Variants in RASSF4 observed in about 807,000 individuals in gnomAD.
The protein encoded by RASSF4 is Ras association domain family member 4.
A neutral mutation model predicts 41.1 loss-of-function variants in RASSF4; 38 were observed. The observed-to-expected ratio is 0.92, with a 90% CI of 0.71 to 1.21. The LOEUF is 1.21. Among genes scored for constraint, RASSF4 ranks in the 50% most tolerant of loss-of-function variants. The probability of loss-of-function intolerance (pLI) is 0.00; values close to 1 mark genes in which losing one functional copy is unlikely to be tolerated. For missense variants in RASSF4, 414 were observed against 419.4 expected, an observed-to-expected ratio of 0.99 and a Z score of 0.11; for synonymous variants, 179 against 163.4, an observed-to-expected ratio of 1.10 and a Z score of -0.73.
intron 6 of RASSF4, among the ~76,000 whole-genome samples, chr10:44,988,659 T>C (rs746826754): frequency 6.6e-5 from 10 of 152,224 alleles, no homozygotes; most frequent in Admixed American, 2.0e-4. Flanking sequence ...CTTCGCCTTG[T>C]GTTCTACAGA....
intron 6 of RASSF4, among the ~76,000 whole-genome samples, chr10:44,988,454 T>C (rs1241341313): frequency 6.6e-6 from 1 of 151,628 alleles, no homozygotes; most frequent in Non-Finnish European, 1.5e-5. Context: ...ATATAATGTG[T>C]CCCCCCACCC....
chr10:44,975,687 C>A (rs1158180235), intron 3 of RASSF4, among the ~76,000 whole-genome samples: 1 of 149,806 alleles, frequency 6.7e-6, no homozygotes, highest in Non-Finnish European at 1.5e-5. Flanking sequence ...TCCCCTGGGC[C>A]TCTCTGCAGG....
chr10:44,990,351 G>C (rs1278110619), intron 8 of RASSF4, among the ~76,000 whole-genome samples: 1 of 152,232 alleles, frequency 6.6e-6, no homozygotes, highest in African/African-American at 2.4e-5. Flanking sequence ...GTTAACACTT[G>C]CATCATGCAT....
At chr10:44,971,336 C>T in intron 2 of RASSF4, 1 of 374,688 alleles carries the variant, frequency 2.7e-6, no homozygotes, top group South Asian at 2.0e-5. Flanking sequence ...AGGCACCCCT[C>T]AGGGTGGCCC....
chr10:44,991,960 TA>T lies in RASSF4; in HGVS notation c.867del (p.Glu290LysfsTer7). On this transcript the variant is annotated frameshift_variant, in exon 10 of 11. Transcript: ENST00000340258. LOFTEE classifies it high-confidence loss of function. ...MPVLDSFVEK[L>X]KEEEEREIIK... ...GTGCTGGACAGTTTTGTTGAAAAAT[TA>T]AAAGAAGAGGAAGAAAGAGAAATAA... 2 of 1,613,328 alleles carry T rather than the reference TA, an allele frequency of 1.2e-6. No individual in the cohort carries two copies. The highest frequency in any genetic ancestry group is 1.7e-6 in the Non-Finnish European group (2 of 1,179,358).
At chr10:44,984,562 T>C (rs763264919) in intron 5 of RASSF4, 12 of 553,402 alleles carry the variant, frequency 2.2e-5, no homozygotes, top group Non-Finnish European at 3.5e-5. Flanking sequence ...AAGACCTCCA[T>C]GGGCACCCTA....
rs1006386498 is a variant in RASSF4 at position 44,994,817 on chromosome 10, T to C, written c.*1488T>C. On this transcript the variant is annotated 3_prime_UTR_variant, in exon 11 of 11. Coordinates refer to ENST00000340258, the MANE Select transcript of RASSF4 (RefSeq NM_032023.4). ...TCTTATCCTAAAGGATGTGTGGCCA[T>C]GTTTGGCAGAAGAGCCACAACTCGC... 2.0e-5 allele frequency: 3 copies of C among 151,240 alleles called. No individual in the cohort carries two copies. The highest frequency in any genetic ancestry group is 4.2e-4 in the South Asian group (2 of 4,784). The allele number at this position is 151,240 out of a possible 1,614,324, so 9.4% of individuals were successfully genotyped here. A position where few individuals can be genotyped will look rare whatever the true frequency, so the allele number is the denominator to read the frequency against.
At chr10:44,963,175 G>A (rs1251526279) in intron 1 of RASSF4, among the ~76,000 whole-genome samples, 1 of 152,142 alleles carries the variant, frequency 6.6e-6, no homozygotes, top group African/African-American at 2.4e-5. Context: ...GAGTCTTCTG[G>A]GGCAGGGAGG....
chr10:44,979,699 G>T (rs1183467459), intron 3 of RASSF4, among the ~76,000 whole-genome samples: 1 of 151,902 alleles, frequency 6.6e-6, no homozygotes, highest in Non-Finnish European at 1.5e-5. Context: ...GACATGCTCA[G>T]GGCACAGCAA....
chr10:44,984,599 A>G (rs1190409119), intron 5 of RASSF4: 11 of 609,054 alleles, frequency 1.8e-5, no homozygotes, highest in Admixed American at 2.9e-5. Context: ...GGGTATGGCC[A>G]TGTGACATTG....
intron 1 of RASSF4, 124 bp downstream of exon 1, chr10:44,959,990 G>C (rs1840643741): frequency 6.6e-6 from 1 of 152,374 alleles, no homozygotes; most frequent in African/African-American, 2.4e-5. Flanking sequence ...AGCGCGCAGG[G>C]TCCCTCCCCC....
chr10:44,990,956 A>T lies in RASSF4; in HGVS notation c.694A>T (p.Lys232Ter). Residue 232 changes from lysine to a stop codon, truncating the protein, a stop_gained, in exon 9 of 11, where the codon AAA (lysine) becomes TAA (stop). Coordinates refer to ENST00000340258, the MANE Select transcript of RASSF4 (RefSeq NM_032023.4). LOFTEE classifies it high-confidence loss of function. ...ACCACCTTCTTTTTCAGAGCGGACA[A>T]AATTAAAAGACTGCGAGTACCCGCT... Reference protein sequence around the residue: ...YIVHESGERTKLKDCEYPLIS... With the variant: ...YIVHESGERT The T allele has an allele frequency of 6.2e-7, 1 of 1,612,654 alleles. No homozygotes were observed. The highest frequency in any genetic ancestry group is 8.5e-7 in the Non-Finnish European group (1 of 1,178,786).
chr10:44,984,141 C>A (rs1048327290), intron 5 of RASSF4, 28 bp downstream of exon 5: 32 of 1,564,070 alleles, frequency 2.0e-5, no homozygotes, highest in Non-Finnish European at 2.7e-5. Flanking sequence ...GCTGCCCAGA[C>A]CCCTGCCTCA....
intron 1 of RASSF4, among the ~76,000 whole-genome samples, chr10:44,965,119 A>G (rs1840853316): frequency 6.6e-6 from 1 of 152,256 alleles, no homozygotes; most frequent in South Asian, 2.1e-4. Flanking sequence ...ATACACATGT[A>G]CTTAAGGTGC....
intron 3 of RASSF4, chr10:44,976,568 C>A (rs1455926690): frequency 6.5e-6 from 1 of 152,808 alleles, no homozygotes; most frequent in East Asian, 1.9e-4. Context: ...CCTCTAGGAA[C>A]TAGGGTCCTT....
Position 44,971,879 on chromosome 10 carries a change from C to T in RASSF4, c.138+31C>T, listed in dbSNP as rs75113009. The T allele has an allele frequency of 1.9e-6, 3 of 1,540,108 alleles. No homozygotes were observed. In the African/African-American group the frequency reaches 4.1e-5, roughly 21 times the overall value. On this transcript the variant is annotated intron_variant, in intron 3 of 10. Coordinates refer to ENST00000340258, the MANE Select transcript of RASSF4 (RefSeq NM_032023.4). ...CCTGTTGCTCTTGTTCATGGGGTCACCATGTACCCTGGGAGGCCCTGCCTG... is the reference window on the plus strand; with the variant it reads ...CCTGTTGCTCTTGTTCATGGGGTCATCATGTACCCTGGGAGGCCCTGCCTG...
Position 44,994,730 on chromosome 10 carries a change from C to CTT in RASSF4, c.*1416_*1417dup, listed in dbSNP as rs147034743. On this transcript the variant is annotated 3_prime_UTR_variant, in exon 11 of 11. Coordinates refer to ENST00000340258, the MANE Select transcript of RASSF4 (RefSeq NM_032023.4). Reference sequence around the variant, plus strand: ...TTGAACTGAAGAAGTGAGAACCAAGCTTTTTTTTTTTTTTTTGCTTTCTGT... The same window carrying CTT: ...TTGAACTGAAGAAGTGAGAACCAAGCTTTTTTTTTTTTTTTTTTGCTTTCTGT... 0.034 allele frequency: 4,543 copies of CTT among 134,992 alleles called. 113 individuals are homozygous for CTT. The highest frequency in any genetic ancestry group is 0.074 in the African/African-American group (2,698 of 36,360). The allele number at this position is 134,992 out of a possible 1,614,324, so 8.4% of individuals were successfully genotyped here.
chr10:44,984,268 G>A, intron 5 of RASSF4, 155 bp downstream of exon 5: 1 of 680,596 alleles, frequency 1.5e-6, no homozygotes, highest in African/African-American at 1.8e-5. Context: ...CTGCCTGTGA[G>A]GTGCTCTGCC....
intron 4 of RASSF4, chr10:44,983,270 C>T (rs934801174): frequency 4.3e-5 from 11 of 256,224 alleles, no homozygotes; most frequent in Middle Eastern, 1.6e-3. Flanking sequence ...AGCTTTGCCC[C>T]CTTCAGATTT....
Sources: gnomAD v4.1 joint callset for allele counts (sites outside exome capture counted in the v4.1 genomes callset) on GRCh38, gnomAD v4.1.1 for gene constraint, MANE v1.5 for transcripts, NCBI Gene and HGNC (gene_info 2026-07-23, HGNC 2026-07-21) for gene names.